The following DAB1 variants were observed in gnomAD, a reference collection of about 807,000 sequenced individuals.
DAB1 encodes the protein DAB adaptor protein 1, also known as disabled homolog 1.
Under a neutral mutation model 64.6 loss-of-function variants are expected in DAB1, and 15 were observed. That is an observed-to-expected ratio of 0.23 (90% confidence interval 0.16 to 0.36). The LOEUF (loss-of-function observed/expected upper bound fraction) is 0.36. Among genes scored for constraint, DAB1 ranks in the 10% least tolerant of loss-of-function variants. The pLI, the probability that DAB1 is intolerant of heterozygous loss-of-function variation, is 1.00. For missense variants in DAB1, 596 were observed against 706.7 expected (o/e 0.84, Z 1.78); for synonymous variants, 235 against 251.9 (o/e 0.93, Z 0.64).
At chr1:57,549,821 A>G (rs543761021) in intron 7 of DAB1, among the ~76,000 whole-genome samples, 15 of 152,198 alleles carry the variant, frequency 9.9e-5, no homozygotes, top group Non-Finnish European at 1.6e-4. Flanking sequence ...AGAATTTATG[A>G]AGCAGAATTT....
chr1:57,343,782 G>A (rs1295371560), intron 1 of DAB1, among the ~76,000 whole-genome samples: 2 of 152,112 alleles, frequency 1.3e-5, no homozygotes, highest in Non-Finnish European at 2.9e-5. Flanking sequence ...TCCCACCGAC[G>A]CCTCTCCATC....
intron 1 of DAB1, among the ~76,000 whole-genome samples, chr1:57,851,022 G>A (rs1240858357): frequency 6.6e-6 from 1 of 152,104 alleles, no homozygotes; most frequent in African/African-American, 2.4e-5. Flanking sequence ...CCAACATTCA[G>A]TTAAGCTAAT....
intron 6 of DAB1, among the ~76,000 whole-genome samples, chr1:57,683,419 T>A (rs888452915): frequency 4.6e-5 from 7 of 152,192 alleles, no homozygotes; most frequent in African/African-American, 1.7e-4. Flanking sequence ...AGCACACCTG[T>A]GAATGCAAGG....
At chr1:57,038,623 A>G (rs1647312173) in intron 9 of DAB1, among the ~76,000 whole-genome samples, 2 of 152,254 alleles carry the variant, frequency 1.3e-5, no homozygotes, top group South Asian at 4.1e-4. Flanking sequence ...CCAGCTTCCA[A>G]TTCAGGAGGA....
chr1:57,502,177 C>CG (rs1007854661), intron 7 of DAB1, among the ~76,000 whole-genome samples: 9 of 151,652 alleles, frequency 5.9e-5, no homozygotes, highest in African/African-American at 1.2e-4. Context: ...AAAAATTAGC[C>CG]GGTGTGGTGG....
At chr1:58,442,705 G>A (rs879536098) in intron 3 of DAB1, among the ~76,000 whole-genome samples, 3 of 152,072 alleles carry the variant, frequency 2.0e-5, no homozygotes, top group Non-Finnish European at 2.9e-5. Context: ...TATCCTCTCT[G>A]ACCTCTCTTT....
intron 7 of DAB1, among the ~76,000 whole-genome samples, chr1:57,433,970 G>T (rs1488389157): frequency 6.6e-6 from 1 of 151,956 alleles, no homozygotes; most frequent in Non-Finnish European, 1.5e-5. Context: ...CACTAAGATG[G>T]CTAAAATTTA....
At chr1:58,120,461 C>A (rs1288720619) in intron 5 of DAB1, among the ~76,000 whole-genome samples, 1 of 152,126 alleles carries the variant, frequency 6.6e-6, no homozygotes, top group Non-Finnish European at 1.5e-5. Flanking sequence ...AAGCTTATTA[C>A]CCCTATGAAC....
intron 7 of DAB1, among the ~76,000 whole-genome samples, chr1:57,475,632 G>A (rs892015045): frequency 2.5e-4 from 38 of 152,200 alleles, no homozygotes; most frequent in African/African-American, 7.0e-4. Context: ...ATGAGAAAGC[G>A]GAGCTCCGAG....
At chr1:58,203,252 C>A (rs1215397505) in intron 4 of DAB1, among the ~76,000 whole-genome samples, 4 of 152,148 alleles carry the variant, frequency 2.6e-5, no homozygotes. Flanking sequence ...TGTCTTCAAC[C>A]AAGACACAAT....
intron 4 of DAB1, among the ~76,000 whole-genome samples, chr1:58,152,663 C>G (rs960017723): frequency 1.3e-5 from 2 of 152,216 alleles, no homozygotes; most frequent in Admixed American, 6.5e-5. Flanking sequence ...TATTTCCTTA[C>G]TACACATTTA....
chr1:58,224,877 A>T (rs1050200667), intron 4 of DAB1, among the ~76,000 whole-genome samples: 4 of 152,148 alleles, frequency 2.6e-5, no homozygotes, highest in Admixed American at 6.5e-5. Flanking sequence ...AACCTAGGCA[A>T]TACCATTCAG....
At chr1:57,421,501 A>T (rs1570494693) in intron 1 of DAB1, among the ~76,000 whole-genome samples, 1 of 152,158 alleles carries the variant, frequency 6.6e-6, no homozygotes, top group East Asian at 1.9e-4. Flanking sequence ...TGATAGCAGC[A>T]CCGTTCCCAA....
chr1:58,515,718 C>T (rs960029250), intron 2 of DAB1, among the ~76,000 whole-genome samples: 4 of 152,102 alleles, frequency 2.6e-5, no homozygotes, highest in Admixed American at 2.6e-4. Context: ...AGATACTTTG[C>T]TGTGATGAAA....
chr1:57,622,742 C>A, intron 7 of DAB1, among the ~76,000 whole-genome samples: 1 of 152,180 alleles, frequency 6.6e-6, no homozygotes, highest in East Asian at 1.9e-4. Flanking sequence ...TGCCTTTGTG[C>A]AATTTTGTGA....
At chr1:57,600,167 C>T (rs1645560256) in intron 7 of DAB1, among the ~76,000 whole-genome samples, 1 of 152,142 alleles carries the variant, frequency 6.6e-6, no homozygotes, top group African/African-American at 2.4e-5. Flanking sequence ...TACTCTTTTG[C>T]CATGTCTGCA....
chr1:57,721,439 G>A (rs1347616461), intron 6 of DAB1, among the ~76,000 whole-genome samples: 1 of 152,202 alleles, frequency 6.6e-6, no homozygotes, highest in Non-Finnish European at 1.5e-5. Flanking sequence ...TATGCACCAA[G>A]TACTATTGTA....
chr1:58,445,440 T>C (rs1244367567), intron 3 of DAB1, among the ~76,000 whole-genome samples: 1 of 152,224 alleles, frequency 6.6e-6, no homozygotes, highest in African/African-American at 2.4e-5. Context: ...GGCCAGGCAC[T>C]GCCCTCTGTC....
At chr1:57,861,200 T>C (rs1301559000) in intron 1 of DAB1, among the ~76,000 whole-genome samples, 5 of 152,218 alleles carry the variant, frequency 3.3e-5, no homozygotes, top group Admixed American at 2.6e-4. Flanking sequence ...GCTGTAAGCA[T>C]GGACTTTACT....
Sources: allele counts gnomAD v4.1 joint callset (sites outside exome capture counted in the v4.1 genomes callset), GRCh38; gene constraint gnomAD v4.1.1; transcripts MANE v1.5; gene names NCBI Gene and HGNC (gene_info 2026-07-23, HGNC 2026-07-21).